Variants in XPC observed in about 807,000 individuals in gnomAD.
The protein encoded by XPC is XPC complex subunit, DNA damage recognition and repair factor.
A neutral mutation model predicts 95.8 loss-of-function variants in XPC; 76 were observed. That is an observed-to-expected ratio of 0.79 (90% confidence interval 0.66 to 0.96). The LOEUF (loss-of-function observed/expected upper bound fraction) is 0.96, where lower values mean the gene tolerates loss of function less well. Ranked by LOEUF, XPC falls within the 40% of genes least tolerant of loss-of-function variation. The probability of loss-of-function intolerance (pLI) is 0.00; values close to 1 mark genes in which losing one functional copy is unlikely to be tolerated. For missense variants in XPC, 1,146 were observed against 1,179.8 expected, an observed-to-expected ratio of 0.97 and a Z score of 0.42; for synonymous variants, 442 against 442.1, an observed-to-expected ratio of 1.00 and a Z score of 0.00.
chr3:14,165,409 G>A lies in XPC; in HGVS notation c.779+19C>T. On this transcript the variant is annotated intron_variant, in intron 6 of 15. Transcript: ENST00000285021. ...AATCCTACACTCCCCAGCTCTGCAGGACAAGCGGAGGGCCTTACCACTTCA... is the reference window on the plus strand; with the variant it reads ...AATCCTACACTCCCCAGCTCTGCAGAACAAGCGGAGGGCCTTACCACTTCA... The A allele has an allele frequency of 6.4e-7, 1 of 1,570,492 alleles. No homozygotes were observed. Among genetic ancestry groups the A allele is most frequent in the Non-Finnish European group, 8.7e-7 (1 of 1,155,358 alleles).
Position 14,159,763 on chromosome 3 carries a change from G to C in XPC, c.968C>G (p.Pro323Arg). The C allele has an allele frequency of 6.4e-7, 1 of 1,563,564 alleles. No homozygotes were observed. Among genetic ancestry groups the C allele is most frequent in the Non-Finnish European group, 8.7e-7 (1 of 1,153,636 alleles). Residue 323 changes from proline (P) to arginine (R), a missense_variant, in exon 8 of 16, where the codon CCT becomes CGT. By Grantham distance (103) the Pro-to-Arg change is moderately radical. Transcript: ENST00000285021. ...TRLVLSLQPI[P>R]LKSATAKGKK... ...CACCTTTGCTGTTGCTGACTTCAGAGGAATTGGCTGTAGAGACAATACCAG... is the reference window on the plus strand; with the variant it reads ...CACCTTTGCTGTTGCTGACTTCAGACGAATTGGCTGTAGAGACAATACCAG...
At chr3:14,159,109 C>A (rs531615005) in intron 8 of XPC, among the ~76,000 whole-genome samples, 1 of 152,232 alleles carries the variant, frequency 6.6e-6, no homozygotes, top group South Asian at 2.1e-4. Context: ...CAGTATAATT[C>A]TTTTCACCCT....
intron 11 of XPC, 33 bp downstream of exon 11, chr3:14,152,302 C>T (rs755481008): frequency 1.3e-6 from 2 of 1,594,206 alleles, no homozygotes; most frequent in South Asian, 2.3e-5. Context: ...CCTGTGTCAC[C>T]ACTCCCCACA....
Position 14,152,390 on chromosome 3 carries a change from CTGGAATGCAGAG to C in XPC, c.2048_2059del (p.Thr683_Ser686del). 1 of 1,612,916 alleles carries C rather than the reference CTGGAATGCAGAG, an allele frequency of 6.2e-7. No individual in the cohort carries two copies. The highest frequency in any genetic ancestry group is 8.5e-7 in the Non-Finnish European group (1 of 1,179,472). On this transcript the variant is annotated inframe_deletion, in exon 11 of 16. Coordinates refer to ENST00000285021, the MANE Select transcript of XPC (RefSeq NM_004628.5). ...TCTTGCTTTCTTCAGCCACGTGTCC[CTGGAATGCAGAG>C]TGTGCACACAATCCCTGTGGAACCA...
chr3:14,151,822 C>G (rs974554225), intron 11 of XPC: 1 of 156,084 alleles, frequency 6.4e-6, no homozygotes, highest in African/African-American at 2.4e-5. Context: ...GGGCTCTGCT[C>G]TGCCATTTTA....
intron 6 of XPC, 117 bp downstream of exon 6, chr3:14,165,311 C>T: frequency 1.5e-6 from 2 of 1,323,560 alleles, no homozygotes; most frequent in Non-Finnish European, 1.0e-6. Context: ...CCATGCCCAC[C>T]ACCTGATACA....
intron 2 of XPC, 118 bp from the exon 3 acceptor site, chr3:14,170,668 A>G: frequency 1.4e-6 from 1 of 719,018 alleles, no homozygotes; most frequent in Non-Finnish European, 2.3e-6. Context: ...GCAACTATTT[A>G]AAGATGATTA....
intron 1 of XPC, among the ~76,000 whole-genome samples, chr3:14,176,710 C>G (rs1234031699): frequency 6.6e-6 from 1 of 152,230 alleles, no homozygotes; most frequent in Non-Finnish European, 1.5e-5. Flanking sequence ...GAAACAGAAT[C>G]TAGTGTGATA....
At chr3:14,162,714 G>A (rs982135613) in intron 7 of XPC, among the ~76,000 whole-genome samples, 1 of 152,088 alleles carries the variant, frequency 6.6e-6, no homozygotes, top group Non-Finnish European at 1.5e-5. Context: ...TTTGACAATG[G>A]AATCTTAGAT....
At chr3:14,146,894 G>A (rs539007322) in intron 15 of XPC, among the ~76,000 whole-genome samples, 15 of 152,330 alleles carry the variant, frequency 9.8e-5, no homozygotes, top group African/African-American at 3.4e-4. Flanking sequence ...CATGGCAGGT[G>A]CTGTGAGAGA....
chr3:14,156,123 T>A (rs1160013617), intron 10 of XPC, among the ~76,000 whole-genome samples: 1 of 152,172 alleles, frequency 6.6e-6, no homozygotes, highest in East Asian at 1.9e-4. Context: ...TCCCTGTAAC[T>A]GTTTTTCCCC....
In XPC at chr3:14,175,445, G is replaced by A. The variant is rs147942614; in HGVS notation, c.104-2383C>T. Among the ~76,000 whole-genome samples the A allele has an allele frequency of 6.3e-3, 945 of 150,986 alleles. 12 individuals carry two copies. Among genetic ancestry groups the A allele is most frequent in the African/African-American group, 0.02 (816 of 41,168 alleles). On this transcript the variant is annotated intron_variant, in intron 1 of 15. Coordinates refer to ENST00000285021, the MANE Select transcript of XPC (RefSeq NM_004628.5). ...ATAGCTCTTATCATCATGTGAATCC[G>A]TTTTTTTTTAACTTGTTATCTGCTC...
At chr3:14,156,913 C>T (rs1019657549) in intron 9 of XPC, among the ~76,000 whole-genome samples, 8 of 152,106 alleles carry the variant, frequency 5.3e-5, no homozygotes, top group Non-Finnish European at 1.2e-4. Context: ...CGGTTCTCAC[C>T]CTGCGACTTT....
intron 11 of XPC, among the ~76,000 whole-genome samples, chr3:14,150,435 C>A (rs1559370261): frequency 6.6e-6 from 1 of 152,232 alleles, no homozygotes; most frequent in Non-Finnish European, 1.5e-5. Context: ...CATGTCCATT[C>A]CTGCCATGAT....
chr3:14,146,455 C>T (rs1421701894), intron 15 of XPC, among the ~76,000 whole-genome samples: 3 of 152,122 alleles, frequency 2.0e-5, no homozygotes, highest in Admixed American at 2.0e-4. Context: ...CTGGGGATGC[C>T]TGTGATTCGT....
At chr3:14,154,081 T>G (rs1222579707) in intron 10 of XPC, among the ~76,000 whole-genome samples, 2 of 152,174 alleles carry the variant, frequency 1.3e-5, no homozygotes, top group Admixed American at 6.5e-5. Context: ...AGAATAAATG[T>G]GAACTTCTAA....
chr3:14,157,491 A>C (rs1367683106), intron 9 of XPC, among the ~76,000 whole-genome samples: 1 of 152,078 alleles, frequency 6.6e-6, no homozygotes, highest in East Asian at 1.9e-4. Context: ...CATGTTCTAG[A>C]AGTCTCTGCC....
chr3:14,170,321 G>A, intron 3 of XPC, 117 bp downstream of exon 3: 1 of 950,442 alleles, frequency 1.1e-6, no homozygotes, highest in Non-Finnish European at 1.6e-6. Flanking sequence ...CTTATCTGTG[G>A]TCTAATTAGC....
In XPC at chr3:14,145,387, A is replaced by G. The variant is rs1190746871; in HGVS notation, c.*554T>C. On this transcript the variant is annotated 3_prime_UTR_variant, in exon 16 of 16. Coordinates refer to ENST00000285021, the MANE Select transcript of XPC (RefSeq NM_004628.5). The stretch of plus-strand genomic sequence containing the variant: ...AACTAGATCCCAGCAGATGACCTGT[A>G]CTTCTCTGCTCTCTCCCCTACTGCA... 4.3e-6 allele frequency: 3 copies of G among 699,960 alleles called. No homozygotes were observed. Among genetic ancestry groups the G allele is most frequent in the African/African-American group, 1.8e-5 (1 of 57,126 alleles). The allele number at this position is 699,960 out of a possible 1,614,324, so 43.4% of individuals were successfully genotyped here. A position where few individuals can be genotyped will look rare whatever the true frequency, so the allele number is the denominator to read the frequency against.
Sources: gnomAD v4.1 joint callset for allele counts (sites outside exome capture counted in the v4.1 genomes callset) on GRCh38, gnomAD v4.1.1 for gene constraint, MANE v1.5 for transcripts, NCBI Gene and HGNC (gene_info 2026-07-23, HGNC 2026-07-21) for gene names.